FNDC7: variants seen among roughly 807,000 people sequenced by gnomAD.
FNDC7 encodes the protein fibronectin type III domain-containing protein 7.
FNDC7 carries 66 observed loss-of-function variants against 74.2 expected under a neutral mutation model. That is an observed-to-expected ratio of 0.89 (90% confidence interval 0.73 to 1.09). FNDC7 has a LOEUF of 1.09. Ranked by LOEUF, FNDC7 falls within the 50% of genes least tolerant of loss-of-function variation. FNDC7 has a pLI of 0.00. For missense variants in FNDC7, 829 were observed against 893.4 expected (o/e 0.93, Z 0.92); for synonymous variants, 307 against 330.2 (o/e 0.93, Z 0.76).
chr1:108,720,089 G>C (rs910739194), intron 4 of FNDC7, among the ~76,000 whole-genome samples: 1 of 152,172 alleles, frequency 6.6e-6, no homozygotes, highest in African/African-American at 2.4e-5. Context: ...TGGTGAGTCA[G>C]GATGTCTGTG....
chr1:108,736,822 G>A (rs1405803166), intron 10 of FNDC7, among the ~76,000 whole-genome samples: 2 of 152,138 alleles, frequency 1.3e-5, no homozygotes, highest in Admixed American at 6.5e-5. Context: ...CAGTATCAGT[G>A]ATGTCTTATT....
chr1:108,742,243 A>G lies in FNDC7; in HGVS notation c.*356A>G. Reference sequence around the variant, plus strand: ...ACATCCACACACACCACAGACTTCAACACATCCACTTCATGAGTGTTTTAC... The same window carrying G: ...ACATCCACACACACCACAGACTTCAGCACATCCACTTCATGAGTGTTTTAC... On this transcript the variant is annotated 3_prime_UTR_variant, in exon 13 of 13. Coordinates refer to ENST00000370017, the MANE Select transcript of FNDC7 (RefSeq NM_001144937.3). 5.4e-6 allele frequency: 1 copy of G among 185,688 alleles called. No individual in the cohort carries two copies. The allele number at this position is 185,688 out of a possible 1,614,324, so 11.5% of individuals were successfully genotyped here.
chr1:108,713,227 G>C (rs1296854620), intron 1 of FNDC7, among the ~76,000 whole-genome samples: 1 of 152,244 alleles, frequency 6.6e-6, no homozygotes, highest in East Asian at 1.9e-4. Flanking sequence ...TGAAAAATCT[G>C]TCAGCAGCTA....
chr1:108,742,014 C>A lies in FNDC7; in HGVS notation c.*127C>A, dbSNP rs1270334520. On this transcript the variant is annotated 3_prime_UTR_variant, in exon 13 of 13. Coordinates refer to ENST00000370017, the MANE Select transcript of FNDC7 (RefSeq NM_001144937.3). ...TCTAGGATAGGAAAAGCTCCTTTGG[C>A]CTTTAGAAGAACAACTCTGACTCTG... is the stretch of plus-strand genomic sequence containing the variant. 3.3e-6 allele frequency: 2 copies of A among 597,232 alleles called. No individual in the cohort carries two copies. Among genetic ancestry groups the A allele is most frequent in the South Asian group, 2.0e-5 (1 of 49,128 alleles). The allele number at this position is 597,232 out of a possible 1,614,324, so 37.0% of individuals were successfully genotyped here.
intron 2 of FNDC7, among the ~76,000 whole-genome samples, chr1:108,716,690 T>C (rs1660982989): frequency 6.6e-6 from 1 of 152,020 alleles, no homozygotes; most frequent in African/African-American, 2.4e-5. Context: ...ATCGTGCACA[T>C]AGGGACTTGG....
intron 8 of FNDC7, 26 bp from the exon 9 acceptor site, chr1:108,730,648 A>G (rs1288619145): frequency 2.0e-6 from 3 of 1,484,888 alleles, no homozygotes; most frequent in Admixed American, 2.4e-5. Flanking sequence ...TAAATCTCCA[A>G]TTCTTTTTCT....
intron 1 of FNDC7, 180 bp from the exon 2 acceptor site, chr1:108,713,331 G>A: frequency 3.2e-6 from 2 of 634,058 alleles, no homozygotes; most frequent in Non-Finnish European, 5.5e-6. Flanking sequence ...GAGTTGTTTT[G>A]TGGTAGATTT....
intron 8 of FNDC7, 102 bp from the exon 9 acceptor site, chr1:108,730,572 A>T: frequency 7.7e-7 from 1 of 1,299,950 alleles, no homozygotes. Context: ...GGAATGTAGG[A>T]TATTGAGTGA....
chr1:108,740,875 C>G (rs1477971349), intron 11 of FNDC7, among the ~76,000 whole-genome samples: 1 of 152,238 alleles, frequency 6.6e-6, no homozygotes, highest in East Asian at 1.9e-4. Flanking sequence ...ATATCACATT[C>G]TATTATGTAC....
At position 108,727,844 on chromosome 1, in the gene FNDC7, T is replaced by C. The variant is rs780544640; in HGVS notation, c.1148T>C (p.Val383Ala). The change falls in exon 7 of 13, where the codon GTG (valine) becomes GCG (alanine). Residue 383 changes from valine (V) to alanine (A), a missense_variant. Physicochemically the swap from Val to Ala is moderately conservative, Grantham distance 64. Coordinates refer to ENST00000370017, the MANE Select transcript of FNDC7 (RefSeq NM_001144937.3). Reference protein sequence around the residue: ...CCPSDINPVLVSSDRVEIVWS... With the variant: ...CCPSDINPVLASSDRVEIVWS... ...CCTAGTGACATTAACCCCGTGTTGG[T>C]GTCCAGTGACAGAGTTGAGATTGTC... The C allele has an allele frequency of 6.2e-6, 10 of 1,614,168 alleles. No individual in the cohort carries two copies. The South Asian group carries it at 6.6e-5, about 11-fold the overall frequency.
At position 108,732,776 on chromosome 1, in the gene FNDC7, C is replaced by CT. The variant is rs1661420962; in HGVS notation, c.1880-493dup. ...TTTCTGTCTGTCTTTCTTTCTTTTT[C>CT]TTTCTTTTTTTTAGACAGGATCTCG... is the stretch of plus-strand genomic sequence containing the variant. On this transcript the variant is annotated intron_variant, in intron 9 of 12. Coordinates refer to ENST00000370017, the MANE Select transcript of FNDC7 (RefSeq NM_001144937.3). Among the ~76,000 whole-genome samples, 6 of 147,826 alleles carry CT rather than the reference C, an allele frequency of 4.1e-5. No homozygotes were observed. In the South Asian group the frequency reaches 1.3e-3, roughly 32 times the overall value.
At chr1:108,723,491 GA>G (rs5776943) in intron 5 of FNDC7, among the ~76,000 whole-genome samples, 19,329 of 148,802 alleles carry the variant, frequency 0.13, 1,762 homozygotes, top group African/African-American at 0.26. Context: ...CATTCCACAG[GA>G]AAAAAAAAAT....
intron 9 of FNDC7, among the ~76,000 whole-genome samples, chr1:108,732,372 C>A (rs1661407787): frequency 6.7e-6 from 1 of 150,038 alleles, no homozygotes. Flanking sequence ...TACTAATCAG[C>A]TACCATGGAT....
intron 11 of FNDC7, among the ~76,000 whole-genome samples, chr1:108,740,093 G>A (rs1480848292): frequency 6.7e-6 from 1 of 150,052 alleles, no homozygotes; most frequent in Non-Finnish European, 1.5e-5. Context: ...CAGATTATTT[G>A]AGGGTTTCTA....
intron 4 of FNDC7, among the ~76,000 whole-genome samples, chr1:108,721,103 T>C (rs1661082719): frequency 6.6e-6 from 1 of 152,192 alleles, no homozygotes; most frequent in South Asian, 2.1e-4. Context: ...AAGGGGCCTG[T>C]CAAGATGGCC....
At chr1:108,732,532 A>C (rs1213118662) in intron 9 of FNDC7, among the ~76,000 whole-genome samples, 2 of 152,142 alleles carry the variant, frequency 1.3e-5, no homozygotes, top group Non-Finnish European at 2.9e-5. Flanking sequence ...AAATCAAATA[A>C]AACTAGGGCA....
intron 9 of FNDC7, among the ~76,000 whole-genome samples, chr1:108,731,366 A>C (rs1661348521): frequency 6.6e-6 from 1 of 152,252 alleles, no homozygotes; most frequent in Non-Finnish European, 1.5e-5. Context: ...CTAAGAGAGC[A>C]AAGACATCTG....
intron 8 of FNDC7, among the ~76,000 whole-genome samples, chr1:108,730,247 C>G (rs976754208): frequency 2.0e-5 from 3 of 151,712 alleles, no homozygotes; most frequent in Non-Finnish European, 4.4e-5. Flanking sequence ...CATGGTGGCA[C>G]GCACCTGTAG....
intron 8 of FNDC7, among the ~76,000 whole-genome samples, chr1:108,729,110 G>A (rs1661284990): frequency 6.6e-6 from 1 of 152,140 alleles, no homozygotes; most frequent in South Asian, 2.1e-4. Context: ...CATCAGAGAA[G>A]GAATACTTAC....
Sources: allele counts gnomAD v4.1 joint callset (sites outside exome capture counted in the v4.1 genomes callset), GRCh38; gene constraint gnomAD v4.1.1; transcripts MANE v1.5; gene names NCBI Gene and HGNC (gene_info 2026-07-23, HGNC 2026-07-21).